Variants in DEFB135 observed in about 807,000 individuals in gnomAD.
DEFB135 encodes the protein beta-defensin 135.
In DEFB135, 14 loss-of-function variants were observed where a neutral mutation model predicts 8.9. The ratio of observed to expected loss-of-function variants is 1.58; its 90% CI spans 1.04 to 2.47. DEFB135 has a LOEUF of 2.47. DEFB135 is among the 30% of genes most tolerant of loss of function. DEFB135 has a pLI of 0.00. For synonymous variants in DEFB135, 51 were observed against 34.5 expected, an observed-to-expected ratio of 1.48 and a Z score of -1.67; for missense variants, 135 against 94.2, an observed-to-expected ratio of 1.43 and a Z score of -1.79.
intron 1 of DEFB135, 36 bp from the exon 2 acceptor site, chr8:11,984,385 C>T (rs768558326): frequency 1.4e-6 from 2 of 1,430,354 alleles, no homozygotes; most frequent in South Asian, 3.3e-5. Flanking sequence ...CACTTCAGGA[C>T]ACTAACTGTG....
intron 1 of DEFB135, among the ~76,000 whole-genome samples, 188 bp downstream of exon 1, chr8:11,982,572 G>A (rs1025534964): frequency 2.6e-5 from 4 of 152,192 alleles, no homozygotes; most frequent in African/African-American, 9.7e-5. Flanking sequence ...CAGAACAGGA[G>A]GTAGCTCTCT....
At chr8:11,982,672 C>A (rs1799759858) in intron 1 of DEFB135, among the ~76,000 whole-genome samples, 1 of 152,106 alleles carries the variant, frequency 6.6e-6, no homozygotes, top group Admixed American at 6.5e-5. Context: ...AGAAGTAGGG[C>A]AGAGCAAAAA....
chr8:11,984,551 T>C lies in DEFB135; in HGVS notation c.195T>C (p.Cys65=), dbSNP rs1282619235. 6 of 1,548,036 alleles carry C rather than the reference T, an allele frequency of 3.9e-6. No individual in the cohort carries two copies. Among genetic ancestry groups the C allele is most frequent in the Non-Finnish European group, 5.3e-6 (6 of 1,135,044 alleles). The part of the protein sequence containing the change: ...RILCDTIHLC[C]VNPKYLPILT... ...TGTGTGATACTATACATTTGTGCTG[T>C]GTAAACCCAAAATATTTACCTATAC... Residue 65 remains cysteine, a synonymous_variant, in exon 2 of 2, where the codon TGT becomes TGC. Coordinates refer to ENST00000382208, the MANE Select transcript of DEFB135 (RefSeq NM_001033017.3).
At chr8:11,982,467 A>T (rs1000659324) in intron 1 of DEFB135, 83 bp downstream of exon 1, 1 of 1,517,762 alleles carries the variant, frequency 6.6e-7, no homozygotes, top group Non-Finnish European at 9.1e-7. Context: ...AGAAAAAGGC[A>T]GGACTTGGAC....
chr8:11,983,397 A>T (rs941607566), intron 1 of DEFB135, among the ~76,000 whole-genome samples: 3 of 152,160 alleles, frequency 2.0e-5, no homozygotes, highest in African/African-American at 7.2e-5. Context: ...TCTCAAAAAT[A>T]AAAATTAAAA....
Position 11,984,559 on chromosome 8 carries a change from CA to C in DEFB135, c.207del (p.Lys69AsnfsTer6). The C allele has an allele frequency of 6.5e-7, 1 of 1,541,068 alleles. No individual in the cohort carries two copies. Among genetic ancestry groups the C allele is most frequent in the Non-Finnish European group, 8.8e-7 (1 of 1,131,432 alleles). On this transcript the variant is annotated frameshift_variant, in exon 2 of 2. Coordinates refer to ENST00000382208, the MANE Select transcript of DEFB135 (RefSeq NM_001033017.3). LOFTEE classifies it high-confidence loss of function. ...CDTIHLCCVNPKYLPILTGK is the reference protein window; with the variant it reads ...CDTIHLCCVNXKYLPILTGK ...ACTATACATTTGTGCTGTGTAAACC[CA>C]AAATATTTACCTATACTGACTGGGA...
Position 11,982,319 on chromosome 8 carries a change from G to C in DEFB135, c.-2G>C. ...GTCACAGCTGCTTCTTTGCTGATTGGTATGGCCACAAGGAGCGTCCTCTTG... is the reference window on the plus strand; with the variant it reads ...GTCACAGCTGCTTCTTTGCTGATTGCTATGGCCACAAGGAGCGTCCTCTTG... On this transcript the variant is annotated 5_prime_UTR_variant, in exon 1 of 2. Transcript: ENST00000382208. The C allele has an allele frequency of 1.2e-6, 2 of 1,614,094 alleles. No individual in the cohort carries two copies. Among genetic ancestry groups the C allele is most frequent in the Non-Finnish European group, 1.7e-6 (2 of 1,180,012 alleles).
chr8:11,983,334 G>T (rs1470762507), intron 1 of DEFB135, among the ~76,000 whole-genome samples: 1 of 152,188 alleles, frequency 6.6e-6, no homozygotes, highest in Non-Finnish European at 1.5e-5. Context: ...AGATTGCAGT[G>T]AGCTGAGATG....
intron 1 of DEFB135, among the ~76,000 whole-genome samples, chr8:11,983,189 T>A (rs919670071): frequency 6.6e-6 from 1 of 151,084 alleles, no homozygotes; most frequent in Non-Finnish European, 1.5e-5. Flanking sequence ...AGGTCAGGAG[T>A]TCGAGATCAG....
At position 11,984,535 on chromosome 8, in the gene DEFB135, C is replaced by G. The variant is rs754004320; in HGVS notation, c.179C>G (p.Thr60Ser). ...KNEQYRILCD[T>S]IHLCCVNPKY... ...GAACAATATCGTATTTTGTGTGATA[C>G]TATACATTTGTGCTGTGTAAACCCA... The change falls in exon 2 of 2, where the codon ACT becomes AGT. Residue 60 changes from threonine (T) to serine (S), a missense_variant. Thr to Ser is a moderately conservative substitution (Grantham distance 58). Coordinates refer to ENST00000382208, the MANE Select transcript of DEFB135 (RefSeq NM_001033017.3). 3 of 1,575,852 alleles carry G rather than the reference C, an allele frequency of 1.9e-6. No homozygotes were observed. The highest frequency in any genetic ancestry group is 1.1e-5 in the South Asian group (1 of 87,578).
rs756860694 is a variant in DEFB135, at chr8:11,982,355, T to A, written c.35T>A (p.Val12Asp). 1.2e-6 allele frequency: 2 copies of A among 1,614,038 alleles called. No individual in the cohort carries two copies. Among genetic ancestry groups the A allele is most frequent in the Non-Finnish European group, 1.7e-6 (2 of 1,180,042 alleles). ...AGGAGCGTCCTCTTGGCCCTCGTGGTCCTTAACTTACTCTTCTATGTTCCA... is the reference window on the plus strand; with the variant it reads ...AGGAGCGTCCTCTTGGCCCTCGTGGACCTTAACTTACTCTTCTATGTTCCA... Reference protein sequence around the residue: ...ATRSVLLALVVLNLLFYVPPG... With the variant: ...ATRSVLLALVDLNLLFYVPPG... The change falls in exon 1 of 2, where the codon GTC (valine) becomes GAC (aspartate). Residue 12 changes from valine to aspartate, a missense_variant. By Grantham distance (152) the Val-to-Asp change is radical (BLOSUM62 -3). Coordinates refer to ENST00000382208, the MANE Select transcript of DEFB135 (RefSeq NM_001033017.3).
intron 1 of DEFB135, among the ~76,000 whole-genome samples, chr8:11,983,113 G>A (rs1183677496): frequency 6.6e-6 from 1 of 152,180 alleles, no homozygotes; most frequent in Non-Finnish European, 1.5e-5. Flanking sequence ...CAGATATGAG[G>A]CTGGGCGCGG....
intron 1 of DEFB135, 30 bp from the exon 2 acceptor site, chr8:11,984,391 C>G: frequency 3.4e-6 from 5 of 1,455,022 alleles, no homozygotes; most frequent in Non-Finnish European, 4.6e-6. Flanking sequence ...AGGACACTAA[C>G]TGTGCATTAA....
rs371844029 is a variant in DEFB135 at position 11,984,489 on chromosome 8, C to T, written c.133C>T (p.Arg45Trp). The T allele has an allele frequency of 1.5e-4, 236 of 1,581,494 alleles. No individual in the cohort carries two copies. The highest frequency in any genetic ancestry group is 1.8e-4 in the Non-Finnish European group (203 of 1,155,948). ...ATGTTGGCGACTGCAAGGTACTTGC[C>T]GGCCAAAATGTCTAAAAAACGAACA... ...ASCWRLQGTCRPKCLKNEQYR... is the reference protein window; with the variant it reads ...ASCWRLQGTCWPKCLKNEQYR... Residue 45 changes from arginine to tryptophan, a missense_variant, in exon 2 of 2, where the codon CGG becomes TGG. Arg to Trp is a moderately radical substitution (Grantham distance 101). Coordinates refer to ENST00000382208, the MANE Select transcript of DEFB135 (RefSeq NM_001033017.3).
Position 11,982,271 on chromosome 8 carries a change from C to A in DEFB135, c.-50C>A. ...GCAGCTCCCCGTCTCTTCAAAGCTG[C>A]GGAGAGAGTGACTCTCCGATGAGTC... On this transcript the variant is annotated 5_prime_UTR_variant, in exon 1 of 2. Coordinates refer to ENST00000382208, the MANE Select transcript of DEFB135 (RefSeq NM_001033017.3). 6.2e-7 allele frequency: 1 copy of A among 1,605,722 alleles called. No individual in the cohort carries two copies. Among genetic ancestry groups the A allele is most frequent in the Non-Finnish European group, 8.5e-7 (1 of 1,173,540 alleles).
chr8:11,982,448 A>G lies in DEFB135; in HGVS notation c.64+64A>G. ...AAAGGGAAAAAAGGTGTGAGGTTCTACAAGAGTGAGAAAAAGGCAGGACTT... is the reference window on the plus strand; with the variant it reads ...AAAGGGAAAAAAGGTGTGAGGTTCTGCAAGAGTGAGAAAAAGGCAGGACTT... On this transcript the variant is annotated intron_variant, in intron 1 of 1. Coordinates refer to ENST00000382208, the MANE Select transcript of DEFB135 (RefSeq NM_001033017.3). 2.5e-6 allele frequency: 4 copies of G among 1,586,718 alleles called. No homozygotes were observed. The South Asian group carries it at 3.3e-5, about 13-fold the overall frequency.
rs1448007980 is a variant in DEFB135, at chr8:11,984,504, A to G, written c.148A>G (p.Lys50Glu). Residue 50 changes from lysine to glutamate, a missense_variant, in exon 2 of 2, where the codon AAA becomes GAA. Transcript: ENST00000382208. The part of the protein sequence containing the change: ...LQGTCRPKCL[K>E]NEQYRILCDT... The stretch of plus-strand genomic sequence containing the variant: ...AGGTACTTGCCGGCCAAAATGTCTA[A>G]AAAACGAACAATATCGTATTTTGTG... 1 of 1,589,574 alleles carries G rather than the reference A, an allele frequency of 6.3e-7. No individual in the cohort carries two copies. The highest frequency in any genetic ancestry group is 2.3e-5 in the East Asian group (1 of 44,236).
intron 1 of DEFB135, among the ~76,000 whole-genome samples, chr8:11,983,531 A>G (rs1799783893): frequency 6.6e-6 from 1 of 152,118 alleles, no homozygotes; most frequent in Non-Finnish European, 1.5e-5. Context: ...TCCCCAGAAA[A>G]GTGCCTGAGG....
At chr8:11,982,663 G>A (rs13257076) in intron 1 of DEFB135, among the ~76,000 whole-genome samples, 1 of 152,364 alleles carries the variant, frequency 6.6e-6, no homozygotes. Flanking sequence ...GGTACTGGCA[G>A]AAGTAGGGCA....
Sources: gnomAD v4.1 joint callset for allele counts (sites outside exome capture counted in the v4.1 genomes callset) on GRCh38, gnomAD v4.1.1 for gene constraint, MANE v1.5 for transcripts, NCBI Gene and HGNC (gene_info 2026-07-23, HGNC 2026-07-21) for gene names.